Variants in AKAP9 observed in about 807,000 individuals in gnomAD.
The protein encoded by AKAP9 is A-kinase anchor protein 9.
AKAP9 carries 311 observed loss-of-function variants against 488.5 expected under a neutral mutation model. The ratio of observed to expected loss-of-function variants is 0.64; its 90% confidence interval spans 0.58 to 0.70. The LOEUF is 0.70. Among genes scored for constraint, AKAP9 ranks in the 30% least tolerant of loss-of-function variants. The pLI is 0.00. For synonymous variants in AKAP9, 1,462 were observed against 1,483.5 expected (o/e 0.99, Z 0.33); for missense variants, 4,215 against 4,374.5 (o/e 0.96, Z 1.03).
intron 15 of AKAP9, 34 bp from the exon 16 acceptor site, chr7:92,031,478 G>A (rs767777253): frequency 2.1e-6 from 3 of 1,423,432 alleles, no homozygotes; most frequent in East Asian, 2.3e-5. Flanking sequence ...TATAATTAAT[G>A]TAAATAAATG....
chr7:91,977,123 G>T (rs1305253760), intron 2 of AKAP9, among the ~76,000 whole-genome samples: 1 of 152,088 alleles, frequency 6.6e-6, no homozygotes, highest in African/African-American at 2.4e-5. Context: ...AGCCGGGCAT[G>T]GTTGTGCACA....
Position 92,107,366 on chromosome 7 carries a change from G to T in AKAP9, c.11490G>T (p.Thr3830=). 6.2e-7 allele frequency: 1 copy of T among 1,613,586 alleles called. No homozygotes were observed. The highest frequency in any genetic ancestry group is 8.5e-7 in the Non-Finnish European group (1 of 1,179,688). ...TATATGGAGAACCAAGACATACTAC[G>T]TATCGCTCAAGATCAGATCTGGACT... ...LELYGEPRHT[T]YRSRSDLDYI... Residue 3830 remains threonine, a synonymous_variant, in exon 48 of 50, where the codon ACG becomes ACT. Coordinates refer to ENST00000356239, the MANE Select transcript of AKAP9 (RefSeq NM_005751.5).
intron 17 of AKAP9, among the ~76,000 whole-genome samples, chr7:92,039,016 C>T (rs920857650): frequency 2.6e-5 from 4 of 152,146 alleles, no homozygotes; most frequent in African/African-American, 9.7e-5. Context: ...GGCGATTCTC[C>T]TGCCTCAGCC....
At chr7:92,102,491 C>CT (rs1554469806) in intron 45 of AKAP9, 103 bp from the exon 46 acceptor site, 15 of 656,488 alleles carry the variant, frequency 2.3e-5, no homozygotes, top group South Asian at 7.6e-5. Context: ...CTACTACTAC[C>CT]ACCACCACCA....
chr7:91,950,228 T>A (rs1037062366), intron 1 of AKAP9, among the ~76,000 whole-genome samples: 15 of 135,954 alleles, frequency 1.1e-4, no homozygotes, highest in Non-Finnish European at 2.4e-4. Context: ...AGGGTCTCAC[T>A]TTTTTTTTTT....
intron 21 of AKAP9, among the ~76,000 whole-genome samples, chr7:92,051,610 C>A (rs1388539136): frequency 6.6e-6 from 1 of 152,162 alleles, no homozygotes; most frequent in Non-Finnish European, 1.5e-5. Flanking sequence ...GAATTCAGGT[C>A]TTGCGTCTGA....
In AKAP9 at chr7:92,042,071, T is replaced by C; in HGVS notation, c.4943T>C (p.Leu1648Pro). Reference sequence around the variant, plus strand: ...AGATCCTCCATAGATAATGAAAACCTGGTTTCAGAGAGAGAGAGGGTGCTT... The same window carrying C: ...AGATCCTCCATAGATAATGAAAACCCGGTTTCAGAGAGAGAGAGGGTGCTT... ...AQRSSIDNENLVSERERVLLE... is the reference protein window; with the variant it reads ...AQRSSIDNENPVSERERVLLE... Residue 1648 changes from leucine (L) to proline (P), a missense_variant, in exon 19 of 50, where the codon CTG (leucine) becomes CCG (proline). Leu to Pro is a moderately conservative substitution (Grantham distance 98, BLOSUM62 -3). Transcript: ENST00000356239. 6.2e-7 allele frequency: 1 copy of C among 1,613,880 alleles called. No individual in the cohort carries two copies. Among genetic ancestry groups the C allele is most frequent in the Non-Finnish European group, 8.5e-7 (1 of 1,179,896 alleles).
intron 1 of AKAP9, among the ~76,000 whole-genome samples, chr7:91,951,055 G>T (rs945632491): frequency 7.3e-5 from 11 of 151,332 alleles, no homozygotes; most frequent in Admixed American, 5.3e-4. Flanking sequence ...ACAACCATTA[G>T]TAATTTTTAT....
Position 91,941,076 on chromosome 7 carries a change from TC to T in AKAP9, c.-20del, listed in dbSNP as rs2130422518. 3 of 1,611,628 alleles carry T rather than the reference TC, an allele frequency of 1.9e-6. No homozygotes were observed. The East Asian group carries it at 6.7e-5, about 36-fold the overall frequency. ...CCCAACCACCCCTCAACCCCTGTTTTCCCCTGCCTTCCTTGCAGAGGCCATG... is the reference window on the plus strand; with the variant it reads ...CCCAACCACCCCTCAACCCCTGTTTTCCCTGCCTTCCTTGCAGAGGCCATG... On this transcript the variant is annotated 5_prime_UTR_variant, in exon 1 of 50. Transcript: ENST00000356239.
chr7:91,999,949 T>C (rs556611538), intron 7 of AKAP9, among the ~76,000 whole-genome samples: 3 of 152,250 alleles, frequency 2.0e-5, no homozygotes, highest in Non-Finnish European at 4.4e-5. Context: ...TACCTACTTA[T>C]GTCCTGATCC....
chr7:92,084,936 T>G lies in AKAP9; in HGVS notation c.8828T>G (p.Ile2943Arg). ...GCAACAGATTCCTTTCCAAAGAAAA[T>G]AAAGGTACTAAAAGATAGATACCTT... ...ESATDSFPKK[I>R]KGLLRAVHNE... is the part of the protein sequence containing the mutation. Residue 2943 changes from isoleucine (I) to arginine (R), a missense_variant, in exon 35 of 50, where the codon ATA (isoleucine) becomes AGA (arginine). By Grantham distance (97) the Ile-to-Arg change is moderately conservative. Around this residue, in one of 5 missense-constraint regions of AKAP9, gnomAD observed 1,476 missense variants for 1,477.4 expected, o/e 1.00. Transcript: ENST00000356239. The G allele has an allele frequency of 6.2e-7, 1 of 1,612,770 alleles. No individual in the cohort carries two copies. The highest frequency in any genetic ancestry group is 8.5e-7 in the Non-Finnish European group (1 of 1,179,314).
At chr7:92,005,586 T>C (rs781311669) in intron 8 of AKAP9, among the ~76,000 whole-genome samples, 8 of 152,214 alleles carry the variant, frequency 5.3e-5, no homozygotes, top group Non-Finnish European at 8.8e-5. Flanking sequence ...TTTATATTTA[T>C]GATTTATATC....
intron 21 of AKAP9, among the ~76,000 whole-genome samples, chr7:92,047,850 A>G (rs1807270765): frequency 6.6e-6 from 1 of 152,182 alleles, no homozygotes; most frequent in Admixed American, 6.5e-5. Flanking sequence ...GATTAGTATC[A>G]TTGGTTACAT....
intron 28 of AKAP9, among the ~76,000 whole-genome samples, chr7:92,075,968 G>T (rs548042902): frequency 2.0e-5 from 3 of 152,114 alleles, no homozygotes; most frequent in Non-Finnish European, 4.4e-5. Context: ...CTGAGGATAG[G>T]CTCTGTTGCC....
chr7:92,012,434 T>C lies in AKAP9; in HGVS notation c.3324T>C (p.Asp1108=). ...ELNVLKSEQN[D]LRLQMEAQRI... ...TTACATATGTTTACTTTAAGAATGA[T>C]TTAAGGCTACAGATGGAAGCCCAAC... Residue 1108 remains aspartate, a synonymous_variant, in exon 9 of 50, where the codon GAT becomes GAC. Coordinates refer to ENST00000356239, the MANE Select transcript of AKAP9 (RefSeq NM_005751.5). 3 of 1,612,832 alleles carry C rather than the reference T, an allele frequency of 1.9e-6. No homozygotes were observed. Among genetic ancestry groups the C allele is most frequent in the Non-Finnish European group, 2.5e-6 (3 of 1,178,898 alleles).
At chr7:92,049,385 G>T (rs1048637733) in intron 21 of AKAP9, among the ~76,000 whole-genome samples, 2 of 152,114 alleles carry the variant, frequency 1.3e-5, no homozygotes, top group Non-Finnish European at 2.9e-5. Context: ...GCTGAGGTGG[G>T]TGGATCACAC....
rs529780088 is a variant in AKAP9 at position 92,079,488 on chromosome 7, A to C, written c.7355A>C (p.Asn2452Thr). ...CAAAGCATACCAGAGAATAGTGTTA[A>C]CGTGGCTATAGATCATCTGAGCAAA... ...KIQSIPENSV[N>T]VAIDHLSKDK... Residue 2452 changes from asparagine (N) to threonine (T), a missense_variant, in exon 31 of 50, where the codon AAC becomes ACC. This residue lies in a region of AKAP9 where 1,476 missense variants were observed against 1,477.4 expected (regional missense o/e 1.00). Transcript: ENST00000356239. 1 of 1,614,014 alleles carries C rather than the reference A, an allele frequency of 6.2e-7. No homozygotes were observed. Among genetic ancestry groups the C allele is most frequent in the South Asian group, 1.1e-5 (1 of 91,086 alleles).
In AKAP9 at chr7:92,102,827, G is replaced by A; in HGVS notation, c.11330+1G>A. ...TCAGAGTATCCATTGCAATTTCCAG[G>A]TAAAGACTTGAAGGAAAATGCATTT... On this transcript the variant is annotated splice_donor_variant, in intron 46 of 49. Transcript: ENST00000356239. LOFTEE classifies it high-confidence loss of function. 2 of 1,613,048 alleles carry A rather than the reference G, an allele frequency of 1.2e-6. No individual in the cohort carries two copies. Among genetic ancestry groups the A allele is most frequent in the Non-Finnish European group, 1.7e-6 (2 of 1,179,268 alleles).
At chr7:91,959,631 G>A (rs1210415463) in intron 1 of AKAP9, among the ~76,000 whole-genome samples, 4 of 152,164 alleles carry the variant, frequency 2.6e-5, no homozygotes, top group Admixed American at 2.0e-4. Context: ...GTGGCAGGCA[G>A]TGAAATTGTG....
Sources: gnomAD v4.1 joint callset for allele counts (sites outside exome capture counted in the v4.1 genomes callset) on GRCh38, gnomAD v4.1.1 for gene constraint, gnomAD v4.1.1 regional missense constraint, MANE v1.5 for transcripts, NCBI Gene and HGNC (gene_info 2026-07-23, HGNC 2026-07-21) for gene names.